CNTN5: variants seen among roughly 807,000 people sequenced by gnomAD.
CNTN5 encodes contactin 5, also known as contactin-5.
CNTN5 carries 77 observed loss-of-function variants against 129.1 expected under a neutral mutation model. The ratio of observed to expected loss-of-function variants is 0.60; its 90% CI spans 0.50 to 0.72. The LOEUF (loss-of-function observed/expected upper bound fraction) is 0.72, where lower values mean the gene tolerates loss of function less well. Ranked by LOEUF, CNTN5 falls within the 30% of genes least tolerant of loss-of-function variation. CNTN5 has a pLI of 0.00. For missense variants in CNTN5, 1,478 were observed against 1,328.8 expected (o/e 1.11, Z -1.75); for synonymous variants, 509 against 465.6 (o/e 1.09, Z -1.20).
intron 1 of CNTN5, among the ~76,000 whole-genome samples, chr11:99,150,437 G>T (rs7120481): frequency 0.52 from 78,222 of 151,578 alleles, 20,918 homozygotes; most frequent in African/African-American, 0.66. Flanking sequence ...CTATATTTTT[G>T]CTTAGTAGAG....
intron 1 of CNTN5, among the ~76,000 whole-genome samples, chr11:99,196,532 T>C (rs1267185455): frequency 6.6e-6 from 1 of 152,002 alleles, no homozygotes; most frequent in African/African-American, 2.4e-5. Context: ...TGTGGTACTT[T>C]ATTTTCTTTC....
At chr11:100,277,561 C>T (rs1391031814) in intron 18 of CNTN5, among the ~76,000 whole-genome samples, 1 of 151,958 alleles carries the variant, frequency 6.6e-6, no homozygotes, top group African/African-American at 2.4e-5. Context: ...ATTTGCATTC[C>T]CCTGATGATC....
intron 2 of CNTN5, among the ~76,000 whole-genome samples, chr11:99,373,849 T>G (rs1939988310): frequency 6.6e-6 from 1 of 152,062 alleles, no homozygotes; most frequent in Non-Finnish European, 1.5e-5. Flanking sequence ...AAATATAAAT[T>G]TTTACATTAT....
intron 9 of CNTN5, among the ~76,000 whole-genome samples, chr11:100,018,920 C>T (rs1341268411): frequency 5.3e-5 from 8 of 151,856 alleles, no homozygotes; most frequent in African/African-American, 1.9e-4. Context: ...ATGATATTGA[C>T]TGTGTTATGT....
At chr11:99,117,643 G>T (rs957009773) in intron 1 of CNTN5, among the ~76,000 whole-genome samples, 1 of 152,096 alleles carries the variant, frequency 6.6e-6, no homozygotes, top group Non-Finnish European at 1.5e-5. Context: ...CCAATGTATT[G>T]GTATTTGGAA....
rs368743194 is a variant in CNTN5 at position 99,615,431 on chromosome 11, C to A, written c.55+59162C>A. 7.3e-4 allele frequency among the ~76,000 whole-genome samples: 111 copies of A among 152,212 alleles called. 2 individuals are homozygous for A. The East Asian group carries it at 0.021, about 29-fold the overall frequency. On this transcript the variant is annotated intron_variant, in intron 3 of 24. Transcript: ENST00000524871. ...GAAGAATTTTTATTGAAAATTTACT[C>A]AATTATTACTGATTTTGTGAAACCT...
chr11:100,335,120 T>C (rs1371069045), intron 21 of CNTN5, among the ~76,000 whole-genome samples: 1 of 151,974 alleles, frequency 6.6e-6, no homozygotes, highest in Non-Finnish European at 1.5e-5. Context: ...TCAGGAGATC[T>C]CTGTACCTTC....
At chr11:99,615,248 T>G (rs187480853) in intron 3 of CNTN5, among the ~76,000 whole-genome samples, 1 of 152,114 alleles carries the variant, frequency 6.6e-6, no homozygotes, top group East Asian at 1.9e-4. Flanking sequence ...AGGATCTGCT[T>G]CATTTGTTAT....
intron 3 of CNTN5, among the ~76,000 whole-genome samples, chr11:99,588,219 C>T (rs1215545648): frequency 1.3e-5 from 2 of 151,954 alleles, no homozygotes; most frequent in African/African-American, 2.4e-5. Context: ...TGGCGGACGC[C>T]TATAGTCCCA....
chr11:100,139,998 C>T (rs375558888), intron 13 of CNTN5, among the ~76,000 whole-genome samples: 7 of 152,184 alleles, frequency 4.6e-5, no homozygotes, highest in East Asian at 3.9e-4. Context: ...CAAATCCTAG[C>T]GCACAGTAGA....
At chr11:99,577,359 T>C (rs532003421) in intron 3 of CNTN5, among the ~76,000 whole-genome samples, 2 of 152,288 alleles carry the variant, frequency 1.3e-5, no homozygotes, top group African/African-American at 4.8e-5. Flanking sequence ...CTAAATGGGC[T>C]CTTCACATTT....
At chr11:100,051,367 A>G (rs1373422917) in intron 9 of CNTN5, among the ~76,000 whole-genome samples, 1 of 152,230 alleles carries the variant, frequency 6.6e-6, no homozygotes, top group Non-Finnish European at 1.5e-5. Context: ...CCAAATATTT[A>G]GAAATTCAAA....
chr11:99,686,323 G>T (rs1274644101), intron 3 of CNTN5, among the ~76,000 whole-genome samples: 1 of 151,888 alleles, frequency 6.6e-6, no homozygotes, highest in Non-Finnish European at 1.5e-5. Flanking sequence ...TGCTGTTGAT[G>T]AATCTTCTTT....
At chr11:99,022,275 G>C (rs1323594237) in intron 1 of CNTN5, among the ~76,000 whole-genome samples, 1 of 152,086 alleles carries the variant, frequency 6.6e-6, no homozygotes, top group Non-Finnish European at 1.5e-5. Context: ...TAAAATTATA[G>C]ACAAATAGTC....
chr11:100,279,117 G>A (rs1417362705), intron 18 of CNTN5, among the ~76,000 whole-genome samples: 1 of 151,910 alleles, frequency 6.6e-6, no homozygotes, highest in African/African-American at 2.4e-5. Context: ...ACTTATTTGT[G>A]TATGTTGAAT....
chr11:100,106,573 GT>G (rs1197802010), intron 13 of CNTN5, among the ~76,000 whole-genome samples: 1 of 152,108 alleles, frequency 6.6e-6, no homozygotes, highest in African/African-American at 2.4e-5. Flanking sequence ...GAATCCCTTT[GT>G]AAAGTGAACT....
At chr11:99,248,931 T>G (rs529098765) in intron 1 of CNTN5, among the ~76,000 whole-genome samples, 146 of 152,324 alleles carry the variant, frequency 9.6e-4, no homozygotes, top group Non-Finnish European at 1.9e-3. Flanking sequence ...TGACTTAGGA[T>G]TGACTTGGCA....
At chr11:100,302,611 C>A (rs1253818768) in intron 20 of CNTN5, among the ~76,000 whole-genome samples, 1 of 151,398 alleles carries the variant, frequency 6.6e-6, no homozygotes, top group Non-Finnish European at 1.5e-5. Flanking sequence ...ACAGCCGACA[C>A]CAAGCTGGGA....
At chr11:100,180,172 C>CAAA (rs60332928) in intron 13 of CNTN5, among the ~76,000 whole-genome samples, 4,719 of 151,796 alleles carry the variant, frequency 0.031, 242 homozygotes, top group African/African-American at 0.11. Flanking sequence ...ACTATCTTGA[C>CAAA]GAAGAACAAA....
Sources: gnomAD v4.1 joint callset for allele counts (sites outside exome capture counted in the v4.1 genomes callset) on GRCh38, gnomAD v4.1.1 for gene constraint, MANE v1.5 for transcripts, NCBI Gene and HGNC (gene_info 2026-07-23, HGNC 2026-07-21) for gene names.